The following CNTN3 variants were observed in gnomAD, a reference collection of about 807,000 sequenced individuals.
The protein encoded by CNTN3 is contactin 3, also known as contactin-3.
Under a neutral mutation model 119.1 loss-of-function variants are expected in CNTN3, and 60 were observed. The ratio of observed to expected loss-of-function variants is 0.50; its 90% CI spans 0.41 to 0.62. The LOEUF (loss-of-function observed/expected upper bound fraction) is 0.62. Among genes scored for constraint, CNTN3 ranks in the 20% least tolerant of loss-of-function variants. The pLI, the probability that CNTN3 is intolerant of heterozygous loss-of-function variation, is 0.00. For synonymous variants in CNTN3, 450 were observed against 438.7 expected (o/e 1.03, Z -0.32); for missense variants, 1,101 against 1,242.4 (o/e 0.89, Z 1.71).
chr3:74,320,789 C>A (rs1411367335), intron 13 of CNTN3, among the ~76,000 whole-genome samples: 1 of 152,068 alleles, frequency 6.6e-6, no homozygotes, highest in Non-Finnish European at 1.5e-5. Context: ...ACCTTTAGAG[C>A]ACACTTTTAT....
chr3:74,505,179 T>C (rs779310085), intron 2 of CNTN3, among the ~76,000 whole-genome samples: 2 of 152,020 alleles, frequency 1.3e-5, no homozygotes, highest in Non-Finnish European at 2.9e-5. Flanking sequence ...ACATTAGCAA[T>C]GACCCTATTT....
chr3:74,559,221 GC>G (rs1210480348), intron 1 of CNTN3, among the ~76,000 whole-genome samples: 2 of 151,980 alleles, frequency 1.3e-5, no homozygotes, highest in African/African-American at 2.4e-5. Flanking sequence ...TTTCTCAACA[GC>G]AAAATGAGGA....
chr3:74,534,149 G>A (rs1703730122), intron 1 of CNTN3, among the ~76,000 whole-genome samples: 1 of 152,026 alleles, frequency 6.6e-6, no homozygotes, highest in Non-Finnish European at 1.5e-5. Context: ...ACAACCAGGA[G>A]TCTTCTGGGA....
chr3:74,441,131 T>C (rs1701956468), intron 4 of CNTN3, among the ~76,000 whole-genome samples: 1 of 152,168 alleles, frequency 6.6e-6, no homozygotes, highest in African/African-American at 2.4e-5. Flanking sequence ...AAATTATATG[T>C]TTTAATGTGA....
chr3:74,582,234 G>A (rs537016579), intron 1 of CNTN3, among the ~76,000 whole-genome samples: 16 of 152,068 alleles, frequency 1.1e-4, no homozygotes, highest in African/African-American at 3.1e-4. Flanking sequence ...GTGAAACTCC[G>A]TCTCCACTAA....
At chr3:74,465,539 G>C (rs906174014) in intron 4 of CNTN3, among the ~76,000 whole-genome samples, 14 of 152,170 alleles carry the variant, frequency 9.2e-5, no homozygotes, top group Non-Finnish European at 1.3e-4. Flanking sequence ...GAAGAATCTA[G>C]AAAGAATGAT....
At chr3:74,597,917 G>T (rs1450611709) in intron 1 of CNTN3, among the ~76,000 whole-genome samples, 1 of 152,012 alleles carries the variant, frequency 6.6e-6, no homozygotes, top group Non-Finnish European at 1.5e-5. Flanking sequence ...AAAGACATCA[G>T]ATATAAAACT....
chr3:74,450,172 T>G (rs539186021), intron 4 of CNTN3, among the ~76,000 whole-genome samples: 7 of 152,242 alleles, frequency 4.6e-5, no homozygotes, highest in African/African-American at 1.4e-4. Context: ...AGGAAAGAAT[T>G]TATATTCTGC....
intron 4 of CNTN3, among the ~76,000 whole-genome samples, chr3:74,447,292 T>A (rs1184439644): frequency 6.6e-6 from 1 of 152,116 alleles, no homozygotes; most frequent in Non-Finnish European, 1.5e-5. Flanking sequence ...CATATGGTGA[T>A]CCAGCAGGGA....
At chr3:74,295,300 A>G (rs1040885724) in intron 18 of CNTN3, 64 bp from the exon 19 acceptor site, 1 of 820,722 alleles carries the variant, frequency 1.2e-6, no homozygotes, top group Non-Finnish European at 2.0e-6. Context: ...ACACAGATTA[A>G]TGTTCTTATT....
At chr3:74,565,667 A>G (rs1432004493) in intron 1 of CNTN3, among the ~76,000 whole-genome samples, 1 of 152,100 alleles carries the variant, frequency 6.6e-6, no homozygotes, top group Non-Finnish European at 1.5e-5. Context: ...GACACATCCA[A>G]CTGCAAGGGG....
chr3:74,452,911 G>A lies in CNTN3; in HGVS notation c.359-27971C>T, dbSNP rs999368947. Among the ~76,000 whole-genome samples the A allele has an allele frequency of 8.7e-3, 1,316 of 151,412 alleles. 17 individuals carry two copies. Among genetic ancestry groups the A allele is most frequent in the African/African-American group, 0.03 (1,249 of 41,282 alleles). On this transcript the variant is annotated intron_variant, in intron 4 of 22. Transcript: ENST00000263665. ...AGCTTTTTGATGTGCTGCTGGATTC[G>A]GTTTGCCAGTATTTTATTGAGGATT...
chr3:74,507,134 C>T (rs1703275773), intron 2 of CNTN3, among the ~76,000 whole-genome samples: 1 of 152,130 alleles, frequency 6.6e-6, no homozygotes, highest in Non-Finnish European at 1.5e-5. Flanking sequence ...AGAACTAATA[C>T]TAGGCCTGGT....
chr3:74,412,297 T>C (rs1193616816), intron 5 of CNTN3, among the ~76,000 whole-genome samples: 1 of 152,114 alleles, frequency 6.6e-6, no homozygotes, highest in Non-Finnish European at 1.5e-5. Flanking sequence ...GCATAAAACA[T>C]TTGCTAAGAA....
chr3:74,438,036 A>G (rs1701901223), intron 4 of CNTN3, among the ~76,000 whole-genome samples: 3 of 152,220 alleles, frequency 2.0e-5, no homozygotes, highest in Non-Finnish European at 4.4e-5. Context: ...AGTTATACAA[A>G]GATGTACTTG....
chr3:74,592,979 T>C (rs1465017225), intron 1 of CNTN3, among the ~76,000 whole-genome samples: 1 of 152,002 alleles, frequency 6.6e-6, no homozygotes, highest in East Asian at 1.9e-4. Context: ...ACTATAGTTT[T>C]AAAATAAACT....
chr3:74,267,146 T>C (rs1192859271), intron 21 of CNTN3, 120 bp downstream of exon 21: 2 of 587,692 alleles, frequency 3.4e-6, no homozygotes, highest in Non-Finnish European at 6.0e-6. Flanking sequence ...CTTGGTATCT[T>C]TGTCAAAATT....
chr3:74,504,205 T>A (rs571226116), intron 2 of CNTN3, among the ~76,000 whole-genome samples: 1 of 152,048 alleles, frequency 6.6e-6, no homozygotes, highest in African/African-American at 2.4e-5. Flanking sequence ...CATATCTACA[T>A]GGAAAACAAA....
intron 13 of CNTN3, among the ~76,000 whole-genome samples, chr3:74,317,494 T>A (rs1467367641): frequency 1.2e-4 from 18 of 152,196 alleles, no homozygotes; most frequent in Non-Finnish European, 2.2e-4. Flanking sequence ...CCTTTCCATG[T>A]TTAGTGCTTC....
Sources: allele counts gnomAD v4.1 joint callset (sites outside exome capture counted in the v4.1 genomes callset), GRCh38; gene constraint gnomAD v4.1.1; transcripts MANE v1.5; gene names NCBI Gene and HGNC (gene_info 2026-07-23, HGNC 2026-07-21).